Variants in INO80 observed in about 807,000 individuals in gnomAD.
The protein encoded by INO80 is chromatin-remodeling ATPase INO80.
Under a neutral mutation model 203.4 loss-of-function variants are expected in INO80, and 20 were observed. The observed-to-expected ratio is 0.10, with a 90% CI of 0.07 to 0.14. The LOEUF is 0.14. INO80 is among the 10% of genes least tolerant of loss of function. The pLI is 1.00. For synonymous variants in INO80, 726 were observed against 685.2 expected, an observed-to-expected ratio of 1.06 and a Z score of -0.93; for missense variants, 1,419 against 1,914.4, an observed-to-expected ratio of 0.74 and a Z score of 4.83.
intron 16 of INO80, among the ~76,000 whole-genome samples, chr15:41,056,916 T>G (rs1453238108): frequency 6.6e-6 from 1 of 152,082 alleles, no homozygotes; most frequent in Non-Finnish European, 1.5e-5. Context: ...GAAAACACGG[T>G]ATTTGGATTT....
intron 18 of INO80, among the ~76,000 whole-genome samples, 165 bp downstream of exon 18, chr15:41,055,082 T>C (rs1013804587): frequency 1.3e-5 from 2 of 152,202 alleles, no homozygotes; most frequent in African/African-American, 2.4e-5. Flanking sequence ...CTGTTAAATA[T>C]GTACAAAAAA....
chr15:41,001,817 C>T (rs2043962854), intron 28 of INO80, among the ~76,000 whole-genome samples: 1 of 152,170 alleles, frequency 6.6e-6, no homozygotes, highest in Admixed American at 6.6e-5. Flanking sequence ...CTCTGGCTGA[C>T]CTTTGACCAC....
intron 24 of INO80, among the ~76,000 whole-genome samples, chr15:41,029,462 A>C (rs1346416822): frequency 2.0e-5 from 3 of 152,244 alleles, no homozygotes; most frequent in African/African-American, 7.2e-5. Context: ...TTTCCAGGAT[A>C]GCTGGGCTGT....
At chr15:40,982,153 G>A (rs921219339) in intron 35 of INO80, among the ~76,000 whole-genome samples, 20 of 152,046 alleles carry the variant, frequency 1.3e-4, no homozygotes, top group African/African-American at 4.1e-4. Context: ...TCCTTTTTAC[G>A]TTTTTTAGTT....
At chr15:41,058,277 C>T (rs142346750) in intron 16 of INO80, among the ~76,000 whole-genome samples, 45 of 152,246 alleles carry the variant, frequency 3.0e-4, no homozygotes, top group African/African-American at 1.0e-3. Flanking sequence ...TTGGCATTAA[C>T]ATTTGTGTTC....
chr15:40,988,765 A>G (rs2043775801), intron 29 of INO80, among the ~76,000 whole-genome samples: 1 of 152,246 alleles, frequency 6.6e-6, no homozygotes. Flanking sequence ...CTGTAATCCC[A>G]TCACTTTGGG....
intron 31 of INO80, among the ~76,000 whole-genome samples, chr15:40,986,169 C>T (rs2043729761): frequency 6.6e-6 from 1 of 152,142 alleles, no homozygotes; most frequent in African/African-American, 2.4e-5. Context: ...GCGTGCTTCT[C>T]CAACTTTTCC....
chr15:41,001,112 C>T (rs753692028), intron 28 of INO80, among the ~76,000 whole-genome samples: 25 of 152,132 alleles, frequency 1.6e-4, no homozygotes, highest in Admixed American at 2.0e-4. Context: ...TACTGAATAA[C>T]GCTATAATAG....
At chr15:41,040,471 G>A (rs1180982907) in intron 24 of INO80, among the ~76,000 whole-genome samples, 1 of 152,150 alleles carries the variant, frequency 6.6e-6, no homozygotes, top group African/African-American at 2.4e-5. Context: ...CAGTAAGAAT[G>A]GTCTTTTCAA....
intron 26 of INO80, among the ~76,000 whole-genome samples, chr15:41,019,801 C>G (rs529142210): frequency 1.4e-4 from 22 of 152,348 alleles, no homozygotes; most frequent in African/African-American, 5.3e-4. Flanking sequence ...CCCCTTGACA[C>G]TTGACAAAGT....
Position 41,116,260 on chromosome 15 carries a change from G to C in INO80, c.-331C>G, listed in dbSNP as rs1000133827. 20 of 399,310 alleles carry C rather than the reference G, an allele frequency of 5.0e-5. 1 individual carries two copies. Among genetic ancestry groups the C allele is most frequent in the Middle Eastern group, 6.3e-4 (1 of 1,594 alleles). 24.7% of individuals were successfully genotyped at this position (399,310 alleles called of 1,614,324 possible). ...GAGCAGGGACACGGGGAGCCATGGC[G>C]GGGGGGAGGAGAGGCGCCATAGCCA... On this transcript the variant is annotated 5_prime_UTR_variant, in exon 1 of 36. Transcript: ENST00000648947.
intron 24 of INO80, among the ~76,000 whole-genome samples, chr15:41,036,666 G>C (rs987887050): frequency 6.6e-6 from 1 of 152,002 alleles, no homozygotes; most frequent in South Asian, 2.1e-4. Flanking sequence ...ATTAATACTG[G>C]TGCATTAATA....
chr15:40,997,474 T>C (rs960301396), intron 29 of INO80, 55 bp downstream of exon 29: 5 of 1,142,390 alleles, frequency 4.4e-6, no homozygotes, highest in Non-Finnish European at 6.7e-6. Context: ...ACCTACATAG[T>C]AGGTTTCATA....
intron 24 of INO80, among the ~76,000 whole-genome samples, chr15:41,044,663 G>C (rs1215345604): frequency 6.6e-6 from 1 of 150,910 alleles, no homozygotes; most frequent in Non-Finnish European, 1.5e-5. Flanking sequence ...TCACAGAGCT[G>C]TACACTTAAG....
Position 41,021,322 on chromosome 15 carries a change from A to G in INO80, c.3049-197T>C, listed in dbSNP as rs538268865. Among the ~76,000 whole-genome samples, 12 of 152,336 alleles carry G rather than the reference A, an allele frequency of 7.9e-5. No individual in the cohort carries two copies. The South Asian group carries it at 2.5e-3, about 32-fold the overall frequency. On this transcript the variant is annotated intron_variant, in intron 25 of 35. Transcript: ENST00000648947. ...TCCAGATAAAAAGCCAACCTCTTATAAAATGAAACCTGCAAACAAACTAAA... is the reference window on the plus strand; with the variant it reads ...TCCAGATAAAAAGCCAACCTCTTATGAAATGAAACCTGCAAACAAACTAAA...
intron 35 of INO80, among the ~76,000 whole-genome samples, chr15:40,982,038 T>G (rs1002177123): frequency 6.6e-6 from 1 of 152,258 alleles, no homozygotes; most frequent in African/African-American, 2.4e-5. Context: ...TGCCTTCTTT[T>G]CATTCCCCTG....
intron 5 of INO80, among the ~76,000 whole-genome samples, chr15:41,090,017 C>G (rs2045611857): frequency 1.3e-5 from 2 of 152,132 alleles, no homozygotes; most frequent in Non-Finnish European, 2.9e-5. Context: ...AACACAAAAC[C>G]TGTACACAAA....
chr15:41,112,637 A>G (rs1347029172), intron 1 of INO80, among the ~76,000 whole-genome samples: 1 of 151,530 alleles, frequency 6.6e-6, no homozygotes, highest in Non-Finnish European at 1.5e-5. Context: ...AAAATACAAA[A>G]ATTAGCCAGG....
chr15:41,089,315 A>T (rs518137), intron 5 of INO80, among the ~76,000 whole-genome samples: 18,011 of 152,272 alleles, frequency 0.12, 3,185 homozygotes, highest in African/African-American at 0.38. Context: ...ATACTCTGTT[A>T]ACCACTTCTA....
Sources: gnomAD v4.1 joint callset for allele counts (sites outside exome capture counted in the v4.1 genomes callset) on GRCh38, gnomAD v4.1.1 for gene constraint, MANE v1.5 for transcripts, NCBI Gene and HGNC (gene_info 2026-07-23, HGNC 2026-07-21) for gene names.